The following SLX4IP variants were observed in gnomAD, a reference collection of about 807,000 sequenced individuals.
The protein encoded by SLX4IP is protein SLX4IP.
Under a neutral mutation model 32.9 loss-of-function variants are expected in SLX4IP, and 34 were observed. The observed-to-expected ratio is 1.03, with a 90% CI of 0.79 to 1.38. The LOEUF is 1.38. SLX4IP is among the 40% of genes most tolerant of loss of function. The pLI, the probability that SLX4IP is intolerant of heterozygous loss-of-function variation, is 0.00. For missense variants in SLX4IP, 444 were observed against 479.0 expected, an observed-to-expected ratio of 0.93 and a Z score of 0.68; for synonymous variants, 172 against 171.7, an observed-to-expected ratio of 1.00 and a Z score of -0.01.
rs764309618 is a variant in SLX4IP at position 10,622,781 on chromosome 20, C to A, written c.629C>A (p.Ala210Asp). 1 of 1,614,160 alleles carries A rather than the reference C, an allele frequency of 6.2e-7. No individual in the cohort carries two copies. The highest frequency in any genetic ancestry group is 1.7e-5 in the Admixed American group (1 of 60,016). The change falls in exon 8 of 8, where the codon GCT (alanine) becomes GAT (aspartate). Residue 210 changes from alanine to aspartate, a missense_variant. Coordinates refer to ENST00000334534, the MANE Select transcript of SLX4IP (RefSeq NM_001009608.3). ...GCAAGGAGGAGGAATGATGGTCAGG[C>A]TTCCTCCAGTCCCCCATCAGAATCC... Reference protein sequence around the residue: ...EIARRRNDGQASSSPPSESMG... With the variant: ...EIARRRNDGQDSSSPPSESMG...
chr20:10,613,612 T>G (rs2066993261), intron 6 of SLX4IP: 3 of 1,613,586 alleles, frequency 1.9e-6, no homozygotes, highest in Non-Finnish European at 2.5e-6. Context: ...TCCTTTCTGC[T>G]CATTTCTGCT....
At chr20:10,474,647 G>A (rs1339997587) in intron 2 of SLX4IP, among the ~76,000 whole-genome samples, 1 of 152,216 alleles carries the variant, frequency 6.6e-6, no homozygotes. Context: ...TGGGGGCCTG[G>A]GCTGGGGCTG....
At chr20:10,497,252 G>A (rs1190149745) in intron 2 of SLX4IP, among the ~76,000 whole-genome samples, 1 of 152,026 alleles carries the variant, frequency 6.6e-6, no homozygotes, top group Admixed American at 6.6e-5. Flanking sequence ...TTTTACATGA[G>A]TATGAAATTT....
At chr20:10,552,842 T>A (rs1395026532) in intron 2 of SLX4IP, among the ~76,000 whole-genome samples, 3 of 142,810 alleles carry the variant, frequency 2.1e-5, no homozygotes, top group Non-Finnish European at 3.1e-5. Context: ...TTTTTTTTTT[T>A]AAAGAATTAG....
At chr20:10,614,257 A>T (rs750009150) in intron 6 of SLX4IP, 11 of 609,012 alleles carry the variant, frequency 1.8e-5, no homozygotes, top group Non-Finnish European at 3.2e-5. Context: ...AAACAGATCC[A>T]GCTCTCAAAA....
rs1555807403 is a variant in SLX4IP at position 10,476,156 on chromosome 20, G to GTGTA, written c.27+17926_27+17927insGTAT. On this transcript the variant is annotated intron_variant, in intron 2 of 7. Coordinates refer to ENST00000334534, the MANE Select transcript of SLX4IP (RefSeq NM_001009608.3). ...CACATCCCTCACTGTGTGTGTGTGT[G>GTGTA]TATATATATATCTGTTATGATAATT... 4.0e-5 allele frequency among the ~76,000 whole-genome samples: 6 copies of GTGTA among 150,826 alleles called. No homozygotes were observed. The South Asian group carries it at 8.4e-4, about 21-fold the overall frequency.
At chr20:10,566,143 C>T (rs575544117) in intron 4 of SLX4IP, among the ~76,000 whole-genome samples, 3 of 152,202 alleles carry the variant, frequency 2.0e-5, no homozygotes, top group Admixed American at 1.3e-4. Context: ...CTGTGTTCTT[C>T]GCCTGTAACT....
At chr20:10,573,286 A>G (rs1405740354) in intron 4 of SLX4IP, among the ~76,000 whole-genome samples, 1 of 152,158 alleles carries the variant, frequency 6.6e-6, no homozygotes, top group Non-Finnish European at 1.5e-5. Context: ...ACCTTCAGGC[A>G]TTTTCAGAGG....
At chr20:10,443,981 C>T (rs1458950297) in intron 1 of SLX4IP, among the ~76,000 whole-genome samples, 2 of 152,140 alleles carry the variant, frequency 1.3e-5, no homozygotes, top group Non-Finnish European at 2.9e-5. Flanking sequence ...GAACTGCGAG[C>T]CAGTTAAACC....
chr20:10,531,941 T>C (rs1480885662), intron 2 of SLX4IP, among the ~76,000 whole-genome samples: 1 of 152,334 alleles, frequency 6.6e-6, no homozygotes, highest in Non-Finnish European at 1.5e-5. Context: ...TTTCATTTCT[T>C]TATAGCTTTT....
intron 2 of SLX4IP, among the ~76,000 whole-genome samples, chr20:10,466,718 C>G (rs1005634294): frequency 1.3e-5 from 2 of 151,848 alleles, no homozygotes; most frequent in African/African-American, 4.8e-5. Context: ...TACTTTTGCT[C>G]TTGATGGGGT....
At chr20:10,534,299 T>C (rs1378761602) in intron 2 of SLX4IP, among the ~76,000 whole-genome samples, 3 of 152,208 alleles carry the variant, frequency 2.0e-5, no homozygotes, top group Non-Finnish European at 4.4e-5. Context: ...AATATACTTA[T>C]TGAGCACCTT....
In SLX4IP at chr20:10,622,950, G is replaced by C. The variant is rs533656283; in HGVS notation, c.798G>C (p.Gly266=). The part of the protein sequence containing the change: ...KPHPGERLKT[G]LLSRSPVCSC... ...ATCCTGGGGAGCGGTTAAAGACAGG[G>C]CTTCTAAGCAGGAGCCCCGTCTGTA... Residue 266 remains glycine, a synonymous_variant, in exon 8 of 8, where the codon GGG becomes GGC. Transcript: ENST00000334534. 145 of 1,614,136 alleles carry C rather than the reference G, an allele frequency of 9.0e-5. 1 individual carries two copies. In the South Asian group the frequency reaches 1.5e-3, roughly 17 times the overall value.
intron 1 of SLX4IP, among the ~76,000 whole-genome samples, chr20:10,446,374 T>G (rs1048376792): frequency 1.8e-4 from 26 of 145,948 alleles, no homozygotes; most frequent in Non-Finnish European, 7.4e-5. Flanking sequence ...ATTGGGCCAC[T>G]GCACTACAGC....
At chr20:10,510,607 TTA>T (rs200624113) in intron 2 of SLX4IP, among the ~76,000 whole-genome samples, 28 of 116,876 alleles carry the variant, frequency 2.4e-4, no homozygotes, top group African/African-American at 5.8e-4. Context: ...ATTATTTTTA[TTA>T]TTTTTTTTTT....
At position 10,624,750 on chromosome 20, in the gene SLX4IP, A is replaced by T. The variant is rs1018899159; in HGVS notation, c.*1371A>T. On this transcript the variant is annotated 3_prime_UTR_variant, in exon 8 of 8. Coordinates refer to ENST00000334534, the MANE Select transcript of SLX4IP (RefSeq NM_001009608.3). ...CATGCTTGAGATGGATTAGTGGTTT[A>T]TTCCATCCCGTTCTATCCTTTCCCG... The T allele has an allele frequency of 6.6e-6, 1 of 152,180 alleles. No individual in the cohort carries two copies. Among genetic ancestry groups the T allele is most frequent in the Non-Finnish European group, 1.5e-5 (1 of 68,028 alleles). The allele number at this position is 152,180 out of a possible 1,614,324, so 9.4% of individuals were successfully genotyped here. A position where few individuals can be genotyped will look rare whatever the true frequency, so the allele number is the denominator to read the frequency against.
At chr20:10,595,408 A>G (rs1037600894) in intron 4 of SLX4IP, among the ~76,000 whole-genome samples, 2 of 152,310 alleles carry the variant, frequency 1.3e-5, no homozygotes, top group South Asian at 2.1e-4. Flanking sequence ...TCACTTTATG[A>G]TTTCCATTTG....
At chr20:10,436,126 G>T (rs1189260252) in intron 1 of SLX4IP, among the ~76,000 whole-genome samples, 1 of 151,926 alleles carries the variant, frequency 6.6e-6, no homozygotes, top group African/African-American at 2.4e-5. Context: ...TAGACATAAC[G>T]ATATTTGTAA....
chr20:10,588,976 T>C (rs1164333388), intron 4 of SLX4IP, among the ~76,000 whole-genome samples: 1 of 152,232 alleles, frequency 6.6e-6, no homozygotes, highest in African/African-American at 2.4e-5. Context: ...GTGATAGTTG[T>C]ATTAATTAGC....
Sources: gnomAD v4.1 joint callset for allele counts (sites outside exome capture counted in the v4.1 genomes callset) on GRCh38, gnomAD v4.1.1 for gene constraint, MANE v1.5 for transcripts, NCBI Gene and HGNC (gene_info 2026-07-23, HGNC 2026-07-21) for gene names.